The following EVC variants were observed in gnomAD, a reference collection of about 807,000 sequenced individuals.
EVC encodes EvC ciliary complex subunit 1, also known as evC complex member EVC.
EVC carries 116 observed loss-of-function variants against 118.9 expected under a neutral mutation model. That is an observed-to-expected ratio of 0.98 (90% CI 0.84 to 1.14). The LOEUF is 1.14. Ranked by LOEUF, EVC falls within the 50% of genes most tolerant of loss-of-function variation. The pLI is 0.00. For synonymous variants in EVC, 619 were observed against 534.7 expected, an observed-to-expected ratio of 1.16 and a Z score of -2.18; for missense variants, 1,401 against 1,246.4, an observed-to-expected ratio of 1.12 and a Z score of -1.87.
chr4:5,828,743 C>G, the EVC span: 2 of 1,523,918 alleles, frequency 1.3e-6, no homozygotes, highest in Admixed American at 4.1e-5. Flanking sequence ...AGCGATTTTG[C>G]CTAACATTAT....
At chr4:5,801,790 T>G (rs1180264761) in intron 15 of EVC, 160 bp from the exon 16 acceptor site, 2 of 735,890 alleles carry the variant, frequency 2.7e-6, no homozygotes, top group Non-Finnish European at 4.8e-6. Flanking sequence ...ATGACTAGTT[T>G]AAACCAGCCA....
intron 6 of EVC, among the ~76,000 whole-genome samples, chr4:5,744,238 A>G (rs555513394): frequency 2.8e-4 from 43 of 152,234 alleles, no homozygotes; most frequent in Non-Finnish European, 5.3e-4. Context: ...CTTACCTTCC[A>G]TAAACCAGCT....
intron 11 of EVC, among the ~76,000 whole-genome samples, chr4:5,759,641 A>G (rs1731701226): frequency 6.6e-6 from 1 of 152,234 alleles, no homozygotes; most frequent in Admixed American, 6.5e-5. Flanking sequence ...AAATTGAGGT[A>G]CAGGTTAGAT....
chr4:5,791,484 G>C (rs1246941880), intron 12 of EVC, among the ~76,000 whole-genome samples: 1 of 152,192 alleles, frequency 6.6e-6, no homozygotes, highest in East Asian at 1.9e-4. Flanking sequence ...AAACAGCGCA[G>C]AACCAAAATA....
rs4688962 is a variant in EVC at position 5,748,234 on chromosome 4, G to C, written c.1026G>C (p.Leu342=). The change falls in exon 8 of 21, where the codon CTG becomes CTC. Residue 342 remains leucine (L), a synonymous_variant. Transcript: ENST00000264956. The part of the protein sequence containing the change: ...FKCSSSKARQ[L]MMTLTERMIA... Reference sequence around the variant, plus strand: ...GTTCCAGCTCCAAAGCCCGACAGCTGATGATGACTCTGACGGAAAGAATGA... The same window carrying C: ...GTTCCAGCTCCAAAGCCCGACAGCTCATGATGACTCTGACGGAAAGAATGA... 766,680 of 1,613,678 alleles carry C rather than the reference G, an allele frequency of 0.48. 186,779 individuals are homozygous for C. Among genetic ancestry groups the C allele is most frequent in the African/African-American group, 0.73 (54,344 of 74,934 alleles).
chr4:5,803,861 A>T (rs1339889570), intron 16 of EVC, among the ~76,000 whole-genome samples: 1 of 151,834 alleles, frequency 6.6e-6, no homozygotes, highest in African/African-American at 2.4e-5. Context: ...TCCTATAGTT[A>T]GCTGTCCAAA....
At position 5,771,011 on chromosome 4, in the gene EVC, CA is replaced by C. The variant is rs10699296; in HGVS notation, c.1564-12530del. 2.0e-3 allele frequency among the ~76,000 whole-genome samples: 284 copies of C among 143,738 alleles called. 3 individuals carry two copies. The highest frequency in any genetic ancestry group is 6.1e-3 in the African/African-American group (239 of 39,006). The allele number at this position is 143,738 out of a possible 152,430, so 94.3% of individuals were successfully genotyped here. ...TGGGTGACAGAGCGAGACTTCATTT[CA>C]AAAAAAAAAAGAAAAGAAAATACAT... On this transcript the variant is annotated intron_variant, in intron 11 of 20. Transcript: ENST00000264956.
chr4:5,747,681 A>G (rs767824291), intron 7 of EVC, among the ~76,000 whole-genome samples: 5 of 152,226 alleles, frequency 3.3e-5, no homozygotes, highest in African/African-American at 1.2e-4. Flanking sequence ...AAATGTTTTC[A>G]TGGTCAGCAT....
intron 11 of EVC, among the ~76,000 whole-genome samples, chr4:5,782,428 C>G (rs1394280247): frequency 1.8e-5 from 2 of 108,264 alleles, no homozygotes; most frequent in African/African-American, 7.4e-5. Flanking sequence ...CGGAGTCTCT[C>G]TGTCGCCCAG....
the EVC span, chr4:5,826,097 C>T: frequency 4.3e-6 from 1 of 234,910 alleles, no homozygotes; most frequent in South Asian, 5.2e-5. Flanking sequence ...CACACTCATA[C>T]AGGTATACAC....
intron 3 of EVC, among the ~76,000 whole-genome samples, chr4:5,730,181 C>T (rs1056413246): frequency 6.6e-6 from 1 of 152,088 alleles, no homozygotes; most frequent in African/African-American, 2.4e-5. Flanking sequence ...GCTCCTGCCT[C>T]GCCCAGTTGT....
At chr4:5,825,073 G>C in the EVC span, 12 of 985,296 alleles carry the variant, frequency 1.2e-5, no homozygotes, top group Non-Finnish European at 1.3e-5. The surrounding 1 kb of genome is among the most constrained non-coding windows in gnomAD (Gnocchi z 4.4). Flanking sequence ...TTATGAAAGT[G>C]CTTAGTACAC....
At chr4:5,776,173 T>C (rs573899246) in intron 11 of EVC, among the ~76,000 whole-genome samples, 1 of 152,296 alleles carries the variant, frequency 6.6e-6, no homozygotes, top group Admixed American at 6.5e-5. Context: ...TTCTGTTAAT[T>C]TGGCAAATTT....
chr4:5,734,865 C>G (rs1454682529), intron 5 of EVC, among the ~76,000 whole-genome samples: 1 of 152,168 alleles, frequency 6.6e-6, no homozygotes, highest in Non-Finnish European at 1.5e-5. Context: ...CAGCCTGTGT[C>G]CAGCTTTCCT....
At chr4:5,713,331 A>G (rs898027242) in intron 1 of EVC, among the ~76,000 whole-genome samples, 1 of 152,196 alleles carries the variant, frequency 6.6e-6, no homozygotes, top group Non-Finnish European at 1.5e-5. Flanking sequence ...TGTATGTCAG[A>G]CAATATGATT....
chr4:5,817,419 A>T (rs1365375261), downstream of EVC, among the ~76,000 whole-genome samples: 1 of 152,062 alleles, frequency 6.6e-6, no homozygotes, highest in African/African-American at 2.4e-5. Flanking sequence ...TCCCAGATGG[A>T]CTCTGGACGC....
In EVC at chr4:5,719,562, A is replaced by G. The variant is rs1286629610; in HGVS notation, c.300+189A>G. Among the ~76,000 whole-genome samples, 5 of 152,170 alleles carry G rather than the reference A, an allele frequency of 3.3e-5. No individual in the cohort carries two copies. Among genetic ancestry groups the G allele is most frequent in the African/African-American group, 9.7e-5 (4 of 41,426 alleles). On this transcript the variant is annotated intron_variant, in intron 2 of 20. Coordinates refer to ENST00000264956, the MANE Select transcript of EVC (RefSeq NM_153717.3). The surrounding 1 kb of genome is among the most constrained non-coding windows in gnomAD (Gnocchi z 4.7). ...TTTTACAGTTTGATGAGTTTTGACA[A>G]TTGCATGCCCCTTAGAACAAATACC...
chr4:5,758,131 G>A (rs1326168046), intron 11 of EVC: 5 of 702,190 alleles, frequency 7.1e-6, no homozygotes, highest in Middle Eastern at 2.3e-4. Flanking sequence ...TTTGAAGACA[G>A]AAGGAGGGAC....
chr4:5,798,767 G>A lies in EVC; in HGVS notation c.2279G>A (p.Arg760Gln), dbSNP rs2279252. The change falls in exon 15 of 21, where the codon CGG becomes CAG. Residue 760 changes from arginine to glutamine, a missense_variant. Arg to Gln is a conservative substitution (Grantham distance 43). Coordinates refer to ENST00000264956, the MANE Select transcript of EVC (RefSeq NM_153717.3). The surrounding 1 kb of genome is among the most constrained non-coding windows in gnomAD (Gnocchi z 4.1). ...VHARNAATKS[R>Q]AKDRDDFKRT... ...GCACGGAATGCAGCCACCAAGAGCC[G>A]GGCCAAGGACAGGGATGACTTCAAG... The A allele has an allele frequency of 0.017, 27,631 of 1,611,026 alleles. 479 individuals carry two copies. Among genetic ancestry groups the A allele is most frequent in the East Asian group, 0.069 (3,076 of 44,858 alleles).
Sources: allele counts gnomAD v4.1 joint callset (sites outside exome capture counted in the v4.1 genomes callset), GRCh38; gene constraint gnomAD v4.1.1; non-coding constraint Gnocchi (gnomAD v3.1); transcripts MANE v1.5; gene names NCBI Gene and HGNC (gene_info 2026-07-23, HGNC 2026-07-21).